SNX29: variants seen among roughly 807,000 people sequenced by gnomAD.
SNX29 encodes the protein sorting nexin-29.
Under a neutral mutation model 102.1 loss-of-function variants are expected in SNX29, and 78 were observed. The observed-to-expected ratio is 0.76, with a 90% CI of 0.64 to 0.92. The LOEUF (loss-of-function observed/expected upper bound fraction) is 0.92, where lower values mean the gene tolerates loss of function less well. Ranked by LOEUF, SNX29 falls within the 40% of genes least tolerant of loss-of-function variation. The pLI is 0.00. For missense variants in SNX29, 1,280 were observed against 1,061.7 expected (o/e 1.21, Z -2.86); for synonymous variants, 580 against 414.5 (o/e 1.40, Z -4.85).
Position 12,370,107 on chromosome 16 carries a change from A to C in SNX29, c.1899+13828A>C, listed in dbSNP as rs1185064338. Among the ~76,000 whole-genome samples the C allele has an allele frequency of 2.0e-5, 3 of 151,854 alleles. No individual in the cohort carries two copies. In the East Asian group the frequency reaches 5.8e-4, roughly 29 times the overall value. On this transcript the variant is annotated intron_variant, in intron 16 of 20. Coordinates refer to ENST00000566228, the MANE Select transcript of SNX29 (RefSeq NM_032167.5). ...CGTGGTAGCATGTGCCCTTAATCCC[A>C]GCTACTCGGGAGGCTGAAGCAGAAG...
chr16:12,021,516 G>A (rs1200862402), intron 3 of SNX29, among the ~76,000 whole-genome samples: 1 of 152,136 alleles, frequency 6.6e-6, no homozygotes, highest in Non-Finnish European at 1.5e-5. Context: ...TGATCCTGTT[G>A]TTTTAATGAT....
intron 1 of SNX29, among the ~76,000 whole-genome samples, chr16:11,983,294 C>G: frequency 8.2e-6 from 1 of 121,390 alleles, no homozygotes; most frequent in South Asian, 2.7e-4. Flanking sequence ...CCAGGTTTAT[C>G]TGGTACTCCT....
chr16:12,381,917 C>T (rs1218603749), intron 16 of SNX29, among the ~76,000 whole-genome samples: 1 of 149,740 alleles, frequency 6.7e-6, no homozygotes, highest in Non-Finnish European at 1.5e-5. Flanking sequence ...CATCTACCCA[C>T]CCCACCCACA....
intron 18 of SNX29, among the ~76,000 whole-genome samples, chr16:12,419,030 A>G (rs1033235672): frequency 6.6e-6 from 1 of 152,176 alleles, no homozygotes; most frequent in East Asian, 1.9e-4. Flanking sequence ...GTGCTGCTCA[A>G]CATCCTACAG....
At chr16:12,346,334 T>C (rs2081803933) in intron 15 of SNX29, among the ~76,000 whole-genome samples, 1 of 152,220 alleles carries the variant, frequency 6.6e-6, no homozygotes, top group Non-Finnish European at 1.5e-5. Context: ...TTAACATTTA[T>C]GGAGTACTTT....
intron 4 of SNX29, among the ~76,000 whole-genome samples, chr16:12,035,798 G>T (rs576522902): frequency 1.1e-4 from 16 of 152,126 alleles, no homozygotes; most frequent in Non-Finnish European, 2.1e-4. Flanking sequence ...GATTAAGCCA[G>T]TTTTGAGTTT....
intron 15 of SNX29, among the ~76,000 whole-genome samples, chr16:12,321,218 ATAGTCCCCCT>A (rs1194389935): frequency 2.6e-5 from 4 of 152,110 alleles, no homozygotes; most frequent in Admixed American, 2.0e-4. Flanking sequence ...CTCAGACCTC[ATAGTCCCCCT>A]TAGTTCCCCA....
chr16:12,517,358 G>C (rs928380463), intron 19 of SNX29, among the ~76,000 whole-genome samples: 6 of 152,122 alleles, frequency 3.9e-5, no homozygotes, highest in African/African-American at 1.4e-4. Context: ...TCTCCTCCTG[G>C]GAGCCCCATG....
At chr16:12,211,122 A>G (rs1478875505) in intron 14 of SNX29, among the ~76,000 whole-genome samples, 1 of 152,166 alleles carries the variant, frequency 6.6e-6, no homozygotes, top group Non-Finnish European at 1.5e-5. Flanking sequence ...ATTTGTGCAG[A>G]GTACAAGGTC....
chr16:12,376,916 G>A (rs568742102), intron 16 of SNX29, among the ~76,000 whole-genome samples: 43 of 152,144 alleles, frequency 2.8e-4, no homozygotes, highest in African/African-American at 9.9e-4. Context: ...CTTGAGGGTT[G>A]GTTTGGGGAA....
chr16:12,564,921 G>A lies in SNX29; in HGVS notation c.2319-3585G>A, dbSNP rs183476235. Among the ~76,000 whole-genome samples the A allele has an allele frequency of 3.0e-3, 341 of 112,542 alleles. 5 individuals are homozygous for A. The highest frequency in any genetic ancestry group is 0.019 in the South Asian group (56 of 2,898). 73.8% of individuals were successfully genotyped at this position (112,542 alleles called of 152,430 possible). On this transcript the variant is annotated intron_variant, in intron 20 of 20. Coordinates refer to ENST00000566228, the MANE Select transcript of SNX29 (RefSeq NM_032167.5). ...GAGGCATCTGCAGCAGGGACTGGAG[G>A]GAACCTTGGTGTTAAAAAAAAAAAA...
chr16:12,496,217 C>T (rs2088814196), intron 19 of SNX29, among the ~76,000 whole-genome samples: 1 of 152,212 alleles, frequency 6.6e-6, no homozygotes, highest in South Asian at 2.1e-4. Flanking sequence ...AAAATTGTGC[C>T]TTGCACAAAG....
chr16:12,395,107 T>C (rs1191286590), intron 16 of SNX29, among the ~76,000 whole-genome samples: 1 of 152,250 alleles, frequency 6.6e-6, no homozygotes, highest in African/African-American at 2.4e-5. Flanking sequence ...TCTCTCCCTC[T>C]TCTGTCTTTC....
intron 13 of SNX29, among the ~76,000 whole-genome samples, chr16:12,161,265 C>A (rs1301280009): frequency 2.0e-5 from 3 of 152,226 alleles, no homozygotes; most frequent in Non-Finnish European, 2.9e-5. Flanking sequence ...GATTTTCTTT[C>A]CAGCCTTTTC....
chr16:12,360,173 A>G (rs2082262071), intron 16 of SNX29, among the ~76,000 whole-genome samples: 1 of 152,340 alleles, frequency 6.6e-6, no homozygotes, highest in Non-Finnish European at 1.5e-5. Flanking sequence ...ATACCCAGTC[A>G]GTGTTCAATA....
chr16:12,243,672 T>A (rs1421025754), intron 14 of SNX29, among the ~76,000 whole-genome samples: 1 of 152,118 alleles, frequency 6.6e-6, no homozygotes, highest in Non-Finnish European at 1.5e-5. Flanking sequence ...AGTTGTATGA[T>A]TGGGCTTCAG....
intron 13 of SNX29, among the ~76,000 whole-genome samples, chr16:12,147,501 TAGC>T (rs2055114098): frequency 6.6e-6 from 1 of 152,196 alleles, no homozygotes; most frequent in East Asian, 1.9e-4. Context: ...GAAAGAAAAA[TAGC>T]AGAATGGTTT....
At chr16:12,413,319 G>T (rs1282602887) in intron 18 of SNX29, among the ~76,000 whole-genome samples, 2 of 152,068 alleles carry the variant, frequency 1.3e-5, no homozygotes, top group Non-Finnish European at 2.9e-5. Flanking sequence ...GGCAAAATAC[G>T]TTAGCAGTAA....
chr16:12,528,234 C>G (rs1378107764), intron 20 of SNX29, among the ~76,000 whole-genome samples: 4 of 151,874 alleles, frequency 2.6e-5, no homozygotes, highest in African/African-American at 7.2e-5. Context: ...AGTTCTCACT[C>G]TGTTGCACAG....
Sources: gnomAD v4.1 joint callset for allele counts (sites outside exome capture counted in the v4.1 genomes callset) on GRCh38, gnomAD v4.1.1 for gene constraint, MANE v1.5 for transcripts, NCBI Gene and HGNC (gene_info 2026-07-23, HGNC 2026-07-21) for gene names.